LARGE1: variants seen among roughly 807,000 people sequenced by gnomAD.
The protein encoded by LARGE1 is xylosyl- and glucuronyltransferase LARGE1.
A neutral mutation model predicts 87.6 loss-of-function variants in LARGE1; 43 were observed. The ratio of observed to expected loss-of-function variants is 0.49; its 90% CI spans 0.38 to 0.63. The LOEUF (loss-of-function observed/expected upper bound fraction) is 0.63. Among genes scored for constraint, LARGE1 ranks in the 30% least tolerant of loss-of-function variants. The probability of loss-of-function intolerance (pLI) is 0.00; values close to 1 mark genes in which losing one functional copy is unlikely to be tolerated. For synonymous variants in LARGE1, 434 were observed against 394.6 expected (o/e 1.10, Z -1.18); for missense variants, 802 against 1,000.2 (o/e 0.80, Z 2.67).
intron 6 of LARGE1, among the ~76,000 whole-genome samples, chr22:33,442,399 C>T (rs922456358): frequency 3.3e-5 from 5 of 152,168 alleles, no homozygotes; most frequent in African/African-American, 1.2e-4. Flanking sequence ...CCAGGCTCTG[C>T]CTCAAATCTC....
At chr22:33,813,901 A>C (rs757770896) in intron 1 of LARGE1, among the ~76,000 whole-genome samples, 3 of 152,228 alleles carry the variant, frequency 2.0e-5, no homozygotes, top group Non-Finnish European at 4.4e-5. Flanking sequence ...GCAAGGAGGG[A>C]AACAATTATT....
chr22:33,564,997 T>C lies in LARGE1; in HGVS notation c.638A>G (p.Asn213Ser), dbSNP rs1014190810. The C allele has an allele frequency of 9.3e-6, 15 of 1,614,048 alleles. No homozygotes were observed. The highest frequency in any genetic ancestry group is 2.7e-5 in the African/African-American group (2 of 74,916). Residue 213 changes from asparagine to serine, a missense_variant, in exon 6 of 15, where the codon AAT becomes AGT. Physicochemically the swap from Asn to Ser is conservative, Grantham distance 46. This residue lies in a region of LARGE1 where 625 missense variants were observed against 841.9 expected (regional missense o/e 0.74). Transcript: ENST00000397394. ...ACCATAAATCCCAGAGTAATGTTTA[T>C]TGGGGATCCAGGAAACTTCAGACTA... Reference protein sequence around the residue: ...ELKSEVSWIPNKHYSGIYGLM... With the variant: ...ELKSEVSWIPSKHYSGIYGLM...
At chr22:33,325,452 T>C (rs1937157716) in intron 10 of LARGE1, among the ~76,000 whole-genome samples, 1 of 152,230 alleles carries the variant, frequency 6.6e-6, no homozygotes, top group Admixed American at 6.5e-5. Flanking sequence ...GAGAATCCTG[T>C]AGAGCAGGCT....
At chr22:33,707,664 T>A (rs959706067) in intron 2 of LARGE1, among the ~76,000 whole-genome samples, 1 of 152,200 alleles carries the variant, frequency 6.6e-6, no homozygotes, top group South Asian at 2.1e-4. Context: ...AATTCTCCAT[T>A]TGGCCCTGTC....
chr22:33,193,052 A>G (rs1923869755), intron 11 of LARGE1, among the ~76,000 whole-genome samples: 1 of 151,960 alleles, frequency 6.6e-6, no homozygotes, highest in Non-Finnish European at 1.5e-5. Context: ...TATTTTTCAC[A>G]TATAACTTTA....
chr22:33,707,909 T>A (rs1246735290), intron 2 of LARGE1, among the ~76,000 whole-genome samples: 1 of 152,100 alleles, frequency 6.6e-6, no homozygotes, highest in Non-Finnish European at 1.5e-5. Context: ...CAGAGTGTGC[T>A]TAGCTCTGGA....
At chr22:33,421,709 C>G (rs1228013305) in intron 7 of LARGE1, among the ~76,000 whole-genome samples, 1 of 152,236 alleles carries the variant, frequency 6.6e-6, no homozygotes, top group Non-Finnish European at 1.5e-5. Context: ...ATCCTCAACT[C>G]ACATATGAGT....
intron 6 of LARGE1, among the ~76,000 whole-genome samples, chr22:33,464,600 C>A (rs749817565): frequency 2.6e-5 from 4 of 152,124 alleles, no homozygotes; most frequent in Admixed American, 6.5e-5. Context: ...CCAGCCAATG[C>A]ACATACCTAA....
intron 6 of LARGE1, among the ~76,000 whole-genome samples, chr22:33,530,458 A>C (rs1428666493): frequency 8.3e-6 from 1 of 121,028 alleles, no homozygotes; most frequent in African/African-American, 3.0e-5. Context: ...ACTCTTGCTG[A>C]GGCTTTTTTT....
At chr22:33,176,788 C>T (rs371013464) in intron 11 of LARGE1, among the ~76,000 whole-genome samples, 2 of 152,142 alleles carry the variant, frequency 1.3e-5, no homozygotes, top group East Asian at 3.8e-4. Flanking sequence ...AGCATTTGAT[C>T]CAGCAATCTC....
chr22:33,397,027 G>A (rs779888135), intron 7 of LARGE1, among the ~76,000 whole-genome samples: 8 of 152,122 alleles, frequency 5.3e-5, no homozygotes, highest in Non-Finnish European at 1.2e-4. Context: ...TGAATAACTA[G>A]AACCCAGACC....
chr22:33,496,534 A>G (rs1468122790), intron 6 of LARGE1, among the ~76,000 whole-genome samples: 1 of 152,156 alleles, frequency 6.6e-6, no homozygotes, highest in Non-Finnish European at 1.5e-5. Flanking sequence ...CACCAAGCTG[A>G]GTCTGCCAGC....
At chr22:33,866,161 G>A (rs1179825178) in intron 1 of LARGE1, among the ~76,000 whole-genome samples, 1 of 151,922 alleles carries the variant, frequency 6.6e-6, no homozygotes, top group Admixed American at 6.6e-5. Flanking sequence ...GATGGATGTG[G>A]CCAACTCAGC....
At chr22:33,460,461 C>T (rs1041076042) in intron 6 of LARGE1, among the ~76,000 whole-genome samples, 3 of 152,004 alleles carry the variant, frequency 2.0e-5, no homozygotes, top group Admixed American at 6.6e-5. Flanking sequence ...AAAACTCTGG[C>T]ATAAAAACAC....
At chr22:33,618,764 C>G (rs2079653487) in intron 4 of LARGE1, among the ~76,000 whole-genome samples, 1 of 152,234 alleles carries the variant, frequency 6.6e-6, no homozygotes, top group African/African-American at 2.4e-5. Flanking sequence ...ATCCAACCTT[C>G]AAGCCAGAAA....
chr22:33,447,588 T>C (rs1193230638), intron 6 of LARGE1, among the ~76,000 whole-genome samples: 1 of 152,220 alleles, frequency 6.6e-6, no homozygotes, highest in Non-Finnish European at 1.5e-5. Flanking sequence ...ATAGAATTGT[T>C]ACAAAGGCAA....
At chr22:33,864,317 C>T (rs2064022234) in intron 1 of LARGE1, among the ~76,000 whole-genome samples, 1 of 152,124 alleles carries the variant, frequency 6.6e-6, no homozygotes, top group African/African-American at 2.4e-5. Context: ...AGGTTATTTA[C>T]AATAAAGATG....
chr22:33,556,417 A>AC (rs2077677982), intron 6 of LARGE1, among the ~76,000 whole-genome samples: 1 of 151,310 alleles, frequency 6.6e-6, no homozygotes, highest in African/African-American at 2.4e-5. Context: ...TTAATATTTT[A>AC]CCCCCAGGGC....
At position 33,650,650 on chromosome 22, in the gene LARGE1, A is replaced by G; in HGVS notation, c.125T>C (p.Leu42Pro). 1 of 1,601,452 alleles carries G rather than the reference A, an allele frequency of 6.2e-7. No individual in the cohort carries two copies. Reference protein sequence around the residue: ...GSFEDGKPVSLSPLESQAHSP... With the variant: ...GSFEDGKPVSPSPLESQAHSP... ...GTGTGCCTGGGACTCCAGCGGTGAC[A>G]GAGACACGGGCTTTCCATCTGGGGA... The change falls in exon 3 of 15, where the codon CTG becomes CCG. Residue 42 changes from leucine to proline, a missense_variant. By Grantham distance (98) the Leu-to-Pro change is moderately conservative. Transcript: ENST00000397394.
Sources: gnomAD v4.1 joint callset for allele counts (sites outside exome capture counted in the v4.1 genomes callset) on GRCh38, gnomAD v4.1.1 for gene constraint, gnomAD v4.1.1 regional missense constraint, MANE v1.5 for transcripts, NCBI Gene and HGNC (gene_info 2026-07-23, HGNC 2026-07-21) for gene names.